AK8: variants seen among roughly 807,000 people sequenced by gnomAD.
AK8 encodes the protein ATP-AMP transphosphorylase 8.
AK8 carries 44 observed loss-of-function variants against 54.6 expected under a neutral mutation model. That is an observed-to-expected ratio of 0.81 (90% CI 0.63 to 1.04). The LOEUF is 1.04. Ranked by LOEUF, AK8 falls within the 50% of genes least tolerant of loss-of-function variation. AK8 has a pLI of 0.00. For synonymous variants in AK8, 239 were observed against 245.6 expected, an observed-to-expected ratio of 0.97 and a Z score of 0.25; for missense variants, 555 against 613.6, an observed-to-expected ratio of 0.90 and a Z score of 1.01.
chr9:132,842,126 C>T (rs1842568240), intron 5 of AK8, among the ~76,000 whole-genome samples: 1 of 152,144 alleles, frequency 6.6e-6, no homozygotes, highest in South Asian at 2.1e-4. Flanking sequence ...AAACAATCTC[C>T]CCAAAGAAGC....
chr9:132,823,378 A>G, intron 8 of AK8, 42 bp from the exon 9 acceptor site: 1 of 1,611,780 alleles, frequency 6.2e-7, no homozygotes, highest in Non-Finnish European at 8.5e-7. Context: ...CAGGTCCTAG[A>G]GAACAGGAAA....
At chr9:132,800,768 C>G (rs1265644626) in intron 10 of AK8, among the ~76,000 whole-genome samples, 1 of 152,204 alleles carries the variant, frequency 6.6e-6, no homozygotes, top group Non-Finnish European at 1.5e-5. Flanking sequence ...TGTGCCCCTC[C>G]TCCCTTGGAG....
intron 10 of AK8, among the ~76,000 whole-genome samples, chr9:132,807,717 T>A (rs574193060): frequency 6.6e-6 from 1 of 152,298 alleles, no homozygotes; most frequent in African/African-American, 2.4e-5. Flanking sequence ...TCAGACTTCT[T>A]TATGTTGGGT....
intron 1 of AK8, among the ~76,000 whole-genome samples, chr9:132,876,021 T>C (rs1046025211): frequency 6.6e-6 from 1 of 152,200 alleles, no homozygotes; most frequent in African/African-American, 2.4e-5. Flanking sequence ...GAGGAGCTCA[T>C]AGCAGCTGTG....
chr9:132,821,295 C>A (rs376943230), intron 9 of AK8, among the ~76,000 whole-genome samples: 1 of 152,146 alleles, frequency 6.6e-6, no homozygotes, highest in South Asian at 2.1e-4. Context: ...CTTCCCGTAA[C>A]GATGTGGGCA....
intron 11 of AK8, among the ~76,000 whole-genome samples, chr9:132,779,002 C>T (rs1247362068): frequency 6.6e-6 from 1 of 151,872 alleles, no homozygotes; most frequent in Non-Finnish European, 1.5e-5. Context: ...ACTTCCAAGC[C>T]AATGAGAAGA....
At chr9:132,814,186 G>C (rs1419173406) in intron 10 of AK8, among the ~76,000 whole-genome samples, 2 of 149,804 alleles carry the variant, frequency 1.3e-5, no homozygotes, top group Non-Finnish European at 3.0e-5. Context: ...GGCTGAGGTG[G>C]GAGGATAACC....
chr9:132,743,084 G>A (rs1210776398), intron 11 of AK8, among the ~76,000 whole-genome samples: 2 of 152,210 alleles, frequency 1.3e-5, no homozygotes, highest in African/African-American at 4.8e-5. Flanking sequence ...TGTAGCTTTA[G>A]CTCCCCGGGG....
At chr9:132,759,725 C>G (rs757411706) in intron 11 of AK8, among the ~76,000 whole-genome samples, 96 of 152,310 alleles carry the variant, frequency 6.3e-4, no homozygotes, top group Non-Finnish European at 1.0e-3. Flanking sequence ...TGGTGCCACC[C>G]CTGTCATTAT....
At position 132,878,231 on chromosome 9, in the gene AK8, G is replaced by T; in HGVS notation, c.25C>A (p.Arg9Ser). 7.0e-7 allele frequency: 1 copy of T among 1,434,462 alleles called. No individual in the cohort carries two copies. The highest frequency in any genetic ancestry group is 9.2e-7 in the Non-Finnish European group (1 of 1,088,622). The allele number at this position is 1,434,462 out of a possible 1,614,324, so 88.9% of individuals were successfully genotyped here. A position where few individuals can be genotyped will look rare whatever the true frequency, so the allele number is the denominator to read the frequency against. The part of the protein sequence containing the change: MDATIAPH[R>S]IPPEMPQYGE... ...TACTGGGGCATCTCGGGGGGGATAC[G>T]GTGCGGGGCGATAGTGGCGTCCATG... Residue 9 changes from arginine to serine, a missense_variant, in exon 1 of 13, where the codon CGT (arginine) becomes AGT (serine). Coordinates refer to ENST00000298545, the MANE Select transcript of AK8 (RefSeq NM_152572.3). The surrounding 1 kb of genome is among the most constrained non-coding windows in gnomAD (Gnocchi z 4.7).
intron 11 of AK8, among the ~76,000 whole-genome samples, chr9:132,740,132 C>T (rs1390863460): frequency 6.6e-6 from 1 of 152,236 alleles, no homozygotes; most frequent in Non-Finnish European, 1.5e-5. Context: ...CTAGCACGCC[C>T]CTGCCACAGC....
chr9:132,844,918 A>C (rs145254087), intron 5 of AK8, among the ~76,000 whole-genome samples: 238 of 152,328 alleles, frequency 1.6e-3, no homozygotes, highest in African/African-American at 4.1e-3. Context: ...CCAATAGTAC[A>C]ACACTGTGTT....
At position 132,860,681 on chromosome 9, in the gene AK8, C is replaced by A. The variant is rs1162510808; in HGVS notation, c.333+2984G>T. Among the ~76,000 whole-genome samples, 1 of 152,178 alleles carries A rather than the reference C, an allele frequency of 6.6e-6. No individual in the cohort carries two copies. Among genetic ancestry groups the A allele is most frequent in the African/African-American group, 2.4e-5 (1 of 41,448 alleles). On this transcript the variant is annotated intron_variant, in intron 4 of 12. Coordinates refer to ENST00000298545, the MANE Select transcript of AK8 (RefSeq NM_152572.3). The surrounding 1 kb of genome is among the most constrained non-coding windows in gnomAD (Gnocchi z 4.4). Reference sequence around the variant, plus strand: ...CTGCCAGTTATTAATCATGCCCTGGCCATTTGGGATAGGTGGCTATAGGGA... The same window carrying A: ...CTGCCAGTTATTAATCATGCCCTGGACATTTGGGATAGGTGGCTATAGGGA...
At chr9:132,730,251 T>C (rs1241913683) in intron 11 of AK8, among the ~76,000 whole-genome samples, 1 of 152,186 alleles carries the variant, frequency 6.6e-6, no homozygotes, top group African/African-American at 2.4e-5. Flanking sequence ...AGGCCGCGCT[T>C]TGGTAGGTCC....
chr9:132,735,441 G>C (rs1837056850), intron 11 of AK8, among the ~76,000 whole-genome samples: 1 of 152,140 alleles, frequency 6.6e-6, no homozygotes, highest in East Asian at 1.9e-4. Flanking sequence ...GACTGTGTTG[G>C]CTTCTTGATC....
chr9:132,875,699 C>T (rs1662377332), intron 1 of AK8, among the ~76,000 whole-genome samples: 1 of 152,202 alleles, frequency 6.6e-6, no homozygotes, highest in Non-Finnish European at 1.5e-5. Context: ...GGGCATCGCC[C>T]TGTTCCACGC....
Position 132,771,911 on chromosome 9 carries a change from C to T in AK8, c.1121+20723G>A, listed in dbSNP as rs537081071. Reference sequence around the variant, plus strand: ...GGCTGGGGAGGCCTCACAATCATGGCGTAAGGCAAGGAGGAGCAAGTCACA... The same window carrying T: ...GGCTGGGGAGGCCTCACAATCATGGTGTAAGGCAAGGAGGAGCAAGTCACA... On this transcript the variant is annotated intron_variant, in intron 11 of 12. Transcript: ENST00000298545. Among the ~76,000 whole-genome samples, 6 of 152,222 alleles carry T rather than the reference C, an allele frequency of 3.9e-5. No homozygotes were observed. The South Asian group carries it at 8.3e-4, about 21-fold the overall frequency.
intron 10 of AK8, among the ~76,000 whole-genome samples, chr9:132,793,008 C>A (rs1317409895): frequency 6.6e-6 from 1 of 152,208 alleles, no homozygotes; most frequent in Admixed American, 6.5e-5. Flanking sequence ...TCGGTCTTTC[C>A]CTTTCCTGGA....
At chr9:132,789,624 A>G (rs564346554) in intron 11 of AK8, among the ~76,000 whole-genome samples, 1 of 142,794 alleles carries the variant, frequency 7.0e-6, no homozygotes, top group Non-Finnish European at 1.5e-5. Flanking sequence ...AAAAAAAAAG[A>G]AAGAAAGAAA....
Sources: gnomAD v4.1 joint callset for allele counts (sites outside exome capture counted in the v4.1 genomes callset) on GRCh38, gnomAD v4.1.1 for gene constraint, Gnocchi (gnomAD v3.1) non-coding constraint, MANE v1.5 for transcripts, NCBI Gene and HGNC (gene_info 2026-07-23, HGNC 2026-07-21) for gene names.